NELL1: variants seen among roughly 807,000 people sequenced by gnomAD.
NELL1 encodes protein kinase C-binding protein NELL1.
In NELL1, 76 loss-of-function variants were observed where a neutral mutation model predicts 107.4. The ratio of observed to expected loss-of-function variants is 0.71; its 90% CI spans 0.59 to 0.86. NELL1 has a LOEUF of 0.86. Among genes scored for constraint, NELL1 ranks in the 40% least tolerant of loss-of-function variants. NELL1 has a pLI of 0.00. For missense variants in NELL1, 1,024 were observed against 1,005.5 expected (o/e 1.02, Z -0.25); for synonymous variants, 353 against 341.2 (o/e 1.03, Z -0.38).
chr11:21,076,871 C>T (rs377421106), intron 12 of NELL1, among the ~76,000 whole-genome samples: 10 of 152,210 alleles, frequency 6.6e-5, no homozygotes, highest in African/African-American at 2.2e-4. Flanking sequence ...TCTCTGTACA[C>T]GCTGAATCCC....
intron 15 of NELL1, among the ~76,000 whole-genome samples, chr11:21,503,107 C>T (rs1322926473): frequency 6.6e-6 from 1 of 152,190 alleles, no homozygotes; most frequent in South Asian, 2.1e-4. Context: ...TCTCGAACTC[C>T]TGACCTCAGG....
intron 3 of NELL1, among the ~76,000 whole-genome samples, chr11:20,823,457 G>A (rs1314909398): frequency 6.6e-6 from 1 of 151,086 alleles, no homozygotes; most frequent in East Asian, 1.9e-4. Flanking sequence ...GTCTGGAAGG[G>A]GCAGCAGCAG....
intron 13 of NELL1, among the ~76,000 whole-genome samples, chr11:21,132,099 CA>C (rs757706080): frequency 1.3e-5 from 2 of 152,182 alleles, no homozygotes; most frequent in Non-Finnish European, 2.9e-5. Flanking sequence ...CTGGTGCCCA[CA>C]GAGCCAAGGC....
rs541859705 is a variant in NELL1, at chr11:21,258,734, G to A, written c.1549+29280G>A. 4.6e-5 allele frequency among the ~76,000 whole-genome samples: 7 copies of A among 151,876 alleles called. No homozygotes were observed. The South Asian group carries it at 6.2e-4, about 14-fold the overall frequency. ...CAGAATAATGTTTGACCAAATATCC[G>A]GGCATCTCATAACCTAGTCAAGCTG... On this transcript the variant is annotated intron_variant, in intron 14 of 19. Coordinates refer to ENST00000357134, the MANE Select transcript of NELL1 (RefSeq NM_006157.5).
At chr11:21,477,130 A>G (rs1371322735) in intron 15 of NELL1, among the ~76,000 whole-genome samples, 1 of 152,142 alleles carries the variant, frequency 6.6e-6, no homozygotes, top group African/African-American at 2.4e-5. Flanking sequence ...TTGGTGGCCA[A>G]GGGAGTGCTT....
At chr11:20,898,457 T>G (rs1052941539) in intron 5 of NELL1, among the ~76,000 whole-genome samples, 9 of 151,882 alleles carry the variant, frequency 5.9e-5, no homozygotes, top group South Asian at 2.1e-4. Context: ...CATTAGGAGA[T>G]ATACCTAATG....
At chr11:21,516,742 C>CAT (rs1855574135) in intron 15 of NELL1, among the ~76,000 whole-genome samples, 2 of 136,472 alleles carry the variant, frequency 1.5e-5, no homozygotes, top group African/African-American at 5.5e-5. Context: ...CACACACATA[C>CAT]ACACACACAC....
At chr11:21,019,862 G>A (rs1310533943) in intron 12 of NELL1, among the ~76,000 whole-genome samples, 1 of 152,058 alleles carries the variant, frequency 6.6e-6, no homozygotes, top group East Asian at 1.9e-4. Flanking sequence ...CCTGAATTCT[G>A]CTTCAGGTTT....
At chr11:20,713,731 C>T (rs1049875022) in intron 2 of NELL1, among the ~76,000 whole-genome samples, 4 of 152,156 alleles carry the variant, frequency 2.6e-5, no homozygotes, top group African/African-American at 9.7e-5. Flanking sequence ...CTTGGTTCAC[C>T]TTGTGACCCC....
intron 14 of NELL1, among the ~76,000 whole-genome samples, chr11:21,358,712 C>T (rs578147654): frequency 4.6e-4 from 67 of 145,382 alleles, no homozygotes; most frequent in African/African-American, 1.6e-3. Context: ...CCACCGTGCC[C>T]GGCCTTTTTG....
chr11:21,269,353 C>T (rs1204832791), intron 14 of NELL1, among the ~76,000 whole-genome samples: 3 of 128,938 alleles, frequency 2.3e-5, no homozygotes, highest in African/African-American at 8.1e-5. Flanking sequence ...CCAAATCCCT[C>T]TCTCTCTCTC....
chr11:21,215,917 A>G (rs1590741331), intron 13 of NELL1, among the ~76,000 whole-genome samples: 1 of 152,196 alleles, frequency 6.6e-6, no homozygotes, highest in East Asian at 1.9e-4. Context: ...TAAGGGGCTG[A>G]GTGTTAATCA....
At chr11:21,334,752 C>T (rs1476894230) in intron 14 of NELL1, among the ~76,000 whole-genome samples, 3 of 151,872 alleles carry the variant, frequency 2.0e-5, no homozygotes, top group African/African-American at 7.2e-5. Context: ...GCGACTGTGT[C>T]GTTGAGTAAC....
At chr11:21,012,471 G>A (rs896071499) in intron 12 of NELL1, among the ~76,000 whole-genome samples, 4 of 152,080 alleles carry the variant, frequency 2.6e-5, no homozygotes, top group African/African-American at 9.7e-5. Flanking sequence ...GACAAGCTAT[G>A]ATCCTTGGTC....
intron 15 of NELL1, among the ~76,000 whole-genome samples, chr11:21,423,663 C>T (rs189591453): frequency 1.3e-3 from 200 of 152,202 alleles, no homozygotes; most frequent in African/African-American, 4.6e-3. Flanking sequence ...TACTCAACAA[C>T]AAAAGAATAC....
chr11:21,054,671 C>T (rs1397148165), intron 12 of NELL1, among the ~76,000 whole-genome samples: 1 of 151,972 alleles, frequency 6.6e-6, no homozygotes, highest in Non-Finnish European at 1.5e-5. Context: ...TTTTAACTTA[C>T]ATTATTTTTA....
intron 15 of NELL1, among the ~76,000 whole-genome samples, chr11:21,446,224 A>G (rs1853424102): frequency 6.6e-6 from 1 of 152,054 alleles, no homozygotes; most frequent in Non-Finnish European, 1.5e-5. Flanking sequence ...TTTACTTTAT[A>G]TGATTCTGAA....
At chr11:20,757,481 T>C (rs181593744) in intron 2 of NELL1, among the ~76,000 whole-genome samples, 181 of 152,332 alleles carry the variant, frequency 1.2e-3, no homozygotes, top group Non-Finnish European at 1.1e-3. Context: ...TTATCTTCCT[T>C]TGGTGCTTAT....
chr11:20,733,872 T>C (rs867216517), intron 2 of NELL1, among the ~76,000 whole-genome samples: 2 of 152,202 alleles, frequency 1.3e-5, no homozygotes, highest in African/African-American at 4.8e-5. Context: ...TTTGCCCTCA[T>C]GGACTTTGCA....
Sources: gnomAD v4.1 joint callset for allele counts (sites outside exome capture counted in the v4.1 genomes callset) on GRCh38, gnomAD v4.1.1 for gene constraint, MANE v1.5 for transcripts, NCBI Gene and HGNC (gene_info 2026-07-23, HGNC 2026-07-21) for gene names.